TMEM178B: variants seen among roughly 807,000 people sequenced by gnomAD.
TMEM178B encodes transmembrane protein 178B.
In TMEM178B, 5 loss-of-function variants were observed where a neutral mutation model predicts 31.0. That is an observed-to-expected ratio of 0.16 (90% CI 0.08 to 0.34). The LOEUF (loss-of-function observed/expected upper bound fraction) is 0.34, where lower values mean the gene tolerates loss of function less well. Ranked by LOEUF, TMEM178B falls within the 10% of genes least tolerant of loss-of-function variation. The pLI is 1.00. For missense variants in TMEM178B, 275 were observed against 400.3 expected, an observed-to-expected ratio of 0.69 and a Z score of 2.67; for synonymous variants, 164 against 164.0, an observed-to-expected ratio of 1.00 and a Z score of 0.00.
intron 2 of TMEM178B, among the ~76,000 whole-genome samples, chr7:141,373,456 C>T (rs1446198446): frequency 6.6e-6 from 1 of 152,212 alleles, no homozygotes; most frequent in East Asian, 1.9e-4. Context: ...ATGCAGGGGG[C>T]TTCTCAGGGG....
chr7:141,438,538 T>A (rs1801593041), intron 3 of TMEM178B, among the ~76,000 whole-genome samples: 1 of 150,828 alleles, frequency 6.6e-6, no homozygotes. Context: ...GTGGATTGTG[T>A]GGGGCTCAGT....
chr7:141,493,184 C>T, the TMEM178B span, among the ~76,000 whole-genome samples: 2 of 152,152 alleles, frequency 1.3e-5, no homozygotes, highest in Non-Finnish European at 2.9e-5. Context: ...CCAACCCCAA[C>T]TCCCCTCCGC....
In TMEM178B at chr7:141,417,552, A is replaced by C. The variant is rs906855705; in HGVS notation, c.497-20056A>C. Among the ~76,000 whole-genome samples the C allele has an allele frequency of 2.0e-5, 3 of 152,210 alleles. No individual in the cohort carries two copies. The East Asian group carries it at 5.8e-4, about 29-fold the overall frequency. On this transcript the variant is annotated intron_variant, in intron 2 of 3. Transcript: ENST00000565468. Reference sequence around the variant, plus strand: ...GGGGTCCCACCCACGGTGATGCTACATGATTGGCACTTCTTACAGAACGGG... The same window carrying C: ...GGGGTCCCACCCACGGTGATGCTACCTGATTGGCACTTCTTACAGAACGGG...
chr7:141,453,931 A>AAT (rs397812855), intron 3 of TMEM178B, among the ~76,000 whole-genome samples: 1 of 150,678 alleles, frequency 6.6e-6, no homozygotes, highest in Non-Finnish European at 1.5e-5. Flanking sequence ...AAAAAAAAAA[A>AAT]GCTTAAGCAG....
intron 3 of TMEM178B, among the ~76,000 whole-genome samples, chr7:141,450,742 T>C (rs1801848875): frequency 6.6e-6 from 1 of 152,154 alleles, no homozygotes; most frequent in Non-Finnish European, 1.5e-5. Context: ...CTATAGCAGG[T>C]CAACAGTAGA....
chr7:141,163,446 G>A (rs111369997), intron 1 of TMEM178B, among the ~76,000 whole-genome samples: 4,509 of 152,232 alleles, frequency 0.03, 189 homozygotes, highest in African/African-American at 0.093. Flanking sequence ...GCAAAGAGAA[G>A]GGTGAAGAAT....
chr7:141,190,373 G>T (rs1302478474), intron 1 of TMEM178B, among the ~76,000 whole-genome samples: 1 of 151,914 alleles, frequency 6.6e-6, no homozygotes, highest in Non-Finnish European at 1.5e-5. Flanking sequence ...GAGTACAGGG[G>T]TGTGATCACA....
intron 2 of TMEM178B, among the ~76,000 whole-genome samples, chr7:141,263,992 C>T (rs1192900964): frequency 1.3e-5 from 2 of 152,184 alleles, no homozygotes; most frequent in African/African-American, 4.8e-5. Context: ...GTTGTCCTCT[C>T]CCCTTGGAGT....
At chr7:141,451,237 C>G (rs1235270181) in intron 3 of TMEM178B, among the ~76,000 whole-genome samples, 1 of 152,218 alleles carries the variant, frequency 6.6e-6, no homozygotes, top group African/African-American at 2.4e-5. Flanking sequence ...CTCCTTTATA[C>G]ACCTCTGTAT....
At position 141,269,934 on chromosome 7, in the gene TMEM178B, G is replaced by T. The variant is rs529021824; in HGVS notation, c.496+57230G>T. On this transcript the variant is annotated intron_variant, in intron 2 of 3. Coordinates refer to ENST00000565468, the MANE Select transcript of TMEM178B (RefSeq NM_001195278.2). ...ACAAAAATTAGCCAGGGCTGGTGGC[G>T]CATGCCTGTAATTCCAGCTACTCAG... Among the ~76,000 whole-genome samples the T allele has an allele frequency of 3.3e-5, 5 of 152,154 alleles. No homozygotes were observed. In the East Asian group the frequency reaches 7.8e-4, roughly 24 times the overall value.
intron 1 of TMEM178B, among the ~76,000 whole-genome samples, chr7:141,112,025 CAAT>C: frequency 6.6e-6 from 1 of 152,206 alleles, no homozygotes; most frequent in East Asian, 1.9e-4. Context: ...TTTACAAAGT[CAAT>C]AATTATTTTT....
At chr7:141,106,651 T>C (rs578129946) in intron 1 of TMEM178B, among the ~76,000 whole-genome samples, 32 of 152,362 alleles carry the variant, frequency 2.1e-4, no homozygotes, top group African/African-American at 7.7e-4. Flanking sequence ...TAAACACATT[T>C]GTGTAAATGT....
rs1799048188 is a variant in TMEM178B, at chr7:141,318,726, A to G, written c.496+106022A>G. Among the ~76,000 whole-genome samples the G allele has an allele frequency of 6.6e-6, 1 of 152,220 alleles. No homozygotes were observed. Among genetic ancestry groups the G allele is most frequent in the African/African-American group, 2.4e-5 (1 of 41,448 alleles). On this transcript the variant is annotated intron_variant, in intron 2 of 3. Coordinates refer to ENST00000565468, the MANE Select transcript of TMEM178B (RefSeq NM_001195278.2). The surrounding 1 kb of genome is among the most constrained non-coding windows in gnomAD (Gnocchi z 4.1). ...TCATCTTGATCTTACAATATCTGCT[A>G]CCTTATAGAGAGCAACAACAGTTCT...
chr7:141,120,861 A>G (rs1795396789), intron 1 of TMEM178B, among the ~76,000 whole-genome samples: 3 of 151,974 alleles, frequency 2.0e-5, no homozygotes, highest in Admixed American at 2.0e-4. Flanking sequence ...CAGGGATCAG[A>G]GGCTGAGGTG....
intron 2 of TMEM178B, among the ~76,000 whole-genome samples, chr7:141,379,783 C>T (rs1395226166): frequency 6.6e-6 from 1 of 152,196 alleles, no homozygotes; most frequent in Non-Finnish European, 1.5e-5. Flanking sequence ...TTCCTTCTCT[C>T]TCTTTCTCCC....
At chr7:141,331,664 A>G (rs1014920563) in intron 2 of TMEM178B, among the ~76,000 whole-genome samples, 6 of 152,328 alleles carry the variant, frequency 3.9e-5, no homozygotes, top group African/African-American at 1.4e-4. Context: ...TGCAAGGGAA[A>G]GGAAGGAAAT....
chr7:141,332,025 C>T (rs1355018357), intron 2 of TMEM178B, among the ~76,000 whole-genome samples: 2 of 152,158 alleles, frequency 1.3e-5, no homozygotes, highest in African/African-American at 4.8e-5. Context: ...TTACCTGTAC[C>T]CCTCCAGTGA....
At chr7:141,333,560 C>T (rs1563154133) in intron 2 of TMEM178B, among the ~76,000 whole-genome samples, 1 of 152,202 alleles carries the variant, frequency 6.6e-6, no homozygotes, top group African/African-American at 2.4e-5. Context: ...AGAGAAATGC[C>T]TGCATTGCAA....
chr7:141,091,304 G>A (rs963161184), intron 1 of TMEM178B, among the ~76,000 whole-genome samples: 1 of 152,084 alleles, frequency 6.6e-6, no homozygotes, highest in South Asian at 2.1e-4. Context: ...CAGTAATTCA[G>A]GTTTCATAAA....
Sources: allele counts gnomAD v4.1 joint callset (sites outside exome capture counted in the v4.1 genomes callset), GRCh38; gene constraint gnomAD v4.1.1; non-coding constraint Gnocchi (gnomAD v3.1); transcripts MANE v1.5; gene names NCBI Gene and HGNC (gene_info 2026-07-23, HGNC 2026-07-21).